Variants in BORCS5 observed in about 807,000 individuals in gnomAD.
The protein encoded by BORCS5 is BLOC-1 related complex subunit 5.
BORCS5 carries 17 observed loss-of-function variants against 22.1 expected under a neutral mutation model. That is an observed-to-expected ratio of 0.77 (90% CI 0.53 to 1.15). The LOEUF is 1.15. BORCS5 is among the 50% of genes most tolerant of loss of function. The probability of loss-of-function intolerance (pLI) is 0.00; values close to 1 mark genes in which losing one functional copy is unlikely to be tolerated. For synonymous variants in BORCS5, 117 were observed against 99.8 expected (o/e 1.17, Z -1.03); for missense variants, 247 against 253.2 (o/e 0.98, Z 0.17).
At chr12:12,461,821 A>G (rs560442128) in intron 3 of BORCS5, among the ~76,000 whole-genome samples, 5 of 152,214 alleles carry the variant, frequency 3.3e-5, no homozygotes. Flanking sequence ...ACCACTGATT[A>G]TAACTTGGTC....
intron 2 of BORCS5, among the ~76,000 whole-genome samples, chr12:12,403,394 G>A (rs1171220072): frequency 6.6e-6 from 1 of 152,100 alleles, no homozygotes. Flanking sequence ...CTTTTCTGTG[G>A]CAATCCCAGC....
rs147659851 is a variant in BORCS5 at position 12,438,162 on chromosome 12, A to G, written c.360+2377A>G. Among the ~76,000 whole-genome samples, 1,052 of 152,098 alleles carry G rather than the reference A, an allele frequency of 6.9e-3. 13 individuals are homozygous for G. Among genetic ancestry groups the G allele is most frequent in the African/African-American group, 0.024 (997 of 41,436 alleles). ...TTTTAAAAAGTCCTTTAAGTTCAAG[A>G]CCAGCCTGGCCAACATGGTGAAACT... On this transcript the variant is annotated intron_variant, in intron 3 of 3. Coordinates refer to ENST00000314565, the MANE Select transcript of BORCS5 (RefSeq NM_058169.6).
chr12:12,438,422 T>C (rs1414979697), intron 3 of BORCS5, among the ~76,000 whole-genome samples: 1 of 150,734 alleles, frequency 6.6e-6, no homozygotes, highest in Non-Finnish European at 1.5e-5. Context: ...ATCTGTTGTT[T>C]TGCAGTTTAG....
intron 3 of BORCS5, among the ~76,000 whole-genome samples, chr12:12,438,360 CAAAAAA>C (rs57737663): frequency 4.2e-5 from 1 of 23,810 alleles, no homozygotes. Flanking sequence ...GATTTCATCT[CAAAAAA>C]AAAAAAAAAA....
At chr12:12,456,573 A>G (rs905047797) in intron 3 of BORCS5, among the ~76,000 whole-genome samples, 3 of 152,236 alleles carry the variant, frequency 2.0e-5, no homozygotes, top group African/African-American at 7.2e-5. Flanking sequence ...ATCATTTATT[A>G]AAGCTTTTGG....
At chr12:12,363,328 T>TGCG (rs1054826283) in intron 2 of BORCS5, among the ~76,000 whole-genome samples, 9 of 148,992 alleles carry the variant, frequency 6.0e-5, no homozygotes, top group African/African-American at 1.5e-4. Context: ...GGCCAGGCGC[T>TGCG]GCGGCTCATG....
At chr12:12,438,427 G>A (rs549249390) in intron 3 of BORCS5, among the ~76,000 whole-genome samples, 16 of 150,492 alleles carry the variant, frequency 1.1e-4, no homozygotes, top group African/African-American at 3.9e-4. Context: ...TTGTTTTGCA[G>A]TTTAGTAAAG....
intron 3 of BORCS5, among the ~76,000 whole-genome samples, chr12:12,457,230 CAG>C (rs1373177488): frequency 1.3e-5 from 2 of 152,316 alleles, no homozygotes; most frequent in African/African-American, 4.8e-5. Context: ...TTTTAGGGGA[CAG>C]AGCAGCTGAG....
Position 12,465,602 on chromosome 12 carries a change from C to T in BORCS5, c.417C>T (p.Tyr139=), listed in dbSNP as rs757536233. ...TCATGCAGGAGCGCCAGAAAAGATA[C>T]GCCAAGTATGCCGAGCAGATCCAGA... ...FSFMQERQKR[Y]AKYAEQIQKV... is the part of the protein sequence containing the mutation. The change falls in exon 4 of 4, where the codon TAC becomes TAT. Residue 139 remains tyrosine (Y), a synonymous_variant. Transcript: ENST00000314565. The T allele has an allele frequency of 8.7e-6, 14 of 1,614,266 alleles. No homozygotes were observed. The highest frequency in any genetic ancestry group is 3.3e-4 in the Middle Eastern group (2 of 6,062).
At chr12:12,409,092 AT>A (rs34266185) in intron 2 of BORCS5, among the ~76,000 whole-genome samples, 33,144 of 149,900 alleles carry the variant, frequency 0.22, 4,709 homozygotes, top group Admixed American at 0.3. Flanking sequence ...CTTTGCCATC[AT>A]TTTTTTTTGT....
chr12:12,457,193 T>A (rs1943012861), intron 3 of BORCS5, among the ~76,000 whole-genome samples: 1 of 152,226 alleles, frequency 6.6e-6, no homozygotes, highest in African/African-American at 2.4e-5. Context: ...GTCAACCCTA[T>A]GACGTAGGCA....
chr12:12,444,604 C>G (rs1007518792), intron 3 of BORCS5, among the ~76,000 whole-genome samples: 5 of 152,176 alleles, frequency 3.3e-5, no homozygotes, highest in East Asian at 1.9e-4. Context: ...TTTTGAACAT[C>G]TGTGTCATCT....
intron 2 of BORCS5, among the ~76,000 whole-genome samples, chr12:12,376,788 T>A (rs1030691636): frequency 2.0e-5 from 3 of 152,146 alleles, no homozygotes; most frequent in Non-Finnish European, 4.4e-5. Flanking sequence ...TTTATAGCAG[T>A]CCTGTGTTTA....
At chr12:12,433,608 A>T (rs931262802) in intron 2 of BORCS5, among the ~76,000 whole-genome samples, 1 of 152,210 alleles carries the variant, frequency 6.6e-6, no homozygotes, top group Non-Finnish European at 1.5e-5. Context: ...GGGACACGGG[A>T]TCCTATACAT....
At chr12:12,460,464 T>C (rs796114521) in intron 3 of BORCS5, among the ~76,000 whole-genome samples, 15 of 152,364 alleles carry the variant, frequency 9.8e-5, no homozygotes, top group African/African-American at 2.9e-4. Context: ...CTTATTCCTT[T>C]CTAATTTCTT....
Position 12,362,974 on chromosome 12 carries a change from A to AT in BORCS5, c.202+1629dup, listed in dbSNP as rs569842749. Among the ~76,000 whole-genome samples the AT allele has an allele frequency of 9.2e-5, 14 of 151,714 alleles. No homozygotes were observed. The South Asian group carries it at 2.7e-3, about 29-fold the overall frequency. ...CCTACTCATCTTCTTAGTTTTCATGATTTTGAGGAATAATGTGATTCTCTA... is the reference window on the plus strand; with the variant it reads ...CCTACTCATCTTCTTAGTTTTCATGATTTTTGAGGAATAATGTGATTCTCTA... On this transcript the variant is annotated intron_variant, in intron 2 of 3. Coordinates refer to ENST00000314565, the MANE Select transcript of BORCS5 (RefSeq NM_058169.6).
At chr12:12,395,263 C>T (rs987391983) in intron 2 of BORCS5, among the ~76,000 whole-genome samples, 1 of 151,152 alleles carries the variant, frequency 6.6e-6, no homozygotes, top group African/African-American at 2.4e-5. Context: ...GAGGATGAGA[C>T]AATTATTATT....
At chr12:12,438,771 A>G (rs1178345021) in intron 3 of BORCS5, among the ~76,000 whole-genome samples, 1 of 152,236 alleles carries the variant, frequency 6.6e-6, no homozygotes. Flanking sequence ...CCTCAACTGT[A>G]TATTTTATAG....
intron 2 of BORCS5, among the ~76,000 whole-genome samples, chr12:12,406,299 C>G (rs1331984383): frequency 3.9e-5 from 6 of 152,190 alleles, no homozygotes; most frequent in Admixed American, 3.9e-4. Context: ...TAGTAGACTT[C>G]GTGTGTGGAA....
Sources: gnomAD v4.1 joint callset for allele counts (sites outside exome capture counted in the v4.1 genomes callset) on GRCh38, gnomAD v4.1.1 for gene constraint, MANE v1.5 for transcripts, NCBI Gene and HGNC (gene_info 2026-07-23, HGNC 2026-07-21) for gene names.